The following INPP4B variants were observed in gnomAD, a reference collection of about 807,000 sequenced individuals.
The protein encoded by INPP4B is inositol polyphosphate-4-phosphatase type II B.
INPP4B carries 55 observed loss-of-function variants against 122.5 expected under a neutral mutation model. The ratio of observed to expected loss-of-function variants is 0.45; its 90% CI spans 0.36 to 0.56. INPP4B has a LOEUF of 0.56. Among genes scored for constraint, INPP4B ranks in the 20% least tolerant of loss-of-function variants. The probability of loss-of-function intolerance (pLI) is 0.00; values close to 1 mark genes in which losing one functional copy is unlikely to be tolerated. For missense variants in INPP4B, 1,000 were observed against 1,097.7 expected (o/e 0.91, Z 1.26); for synonymous variants, 403 against 388.7 (o/e 1.04, Z -0.43).
At chr4:142,483,168 G>A (rs1397773158) in intron 2 of INPP4B, among the ~76,000 whole-genome samples, 1 of 137,648 alleles carries the variant, frequency 7.3e-6, no homozygotes, top group Non-Finnish European at 1.5e-5. Flanking sequence ...AATAATGACT[G>A]GAGTCAGGCT....
At chr4:142,332,665 A>G (rs1774981532) in intron 7 of INPP4B, among the ~76,000 whole-genome samples, 1 of 152,086 alleles carries the variant, frequency 6.6e-6, no homozygotes, top group South Asian at 2.1e-4. Context: ...TCTCACAATT[A>G]GATCATAACA....
At chr4:142,516,389 G>A (rs1825410355) in intron 2 of INPP4B, among the ~76,000 whole-genome samples, 1 of 152,184 alleles carries the variant, frequency 6.6e-6, no homozygotes, top group Non-Finnish European at 1.5e-5. Flanking sequence ...TATGGGCCAG[G>A]CATTAGTTCA....
At chr4:142,213,010 T>C (rs1579307321) in intron 12 of INPP4B, among the ~76,000 whole-genome samples, 1 of 152,218 alleles carries the variant, frequency 6.6e-6, no homozygotes, top group South Asian at 2.1e-4. Context: ...CCTATGGCTG[T>C]TGTGTGCTGA....
At chr4:142,514,231 T>C (rs1244093926) in intron 2 of INPP4B, 1 of 152,192 alleles carries the variant, frequency 6.6e-6, no homozygotes, top group Non-Finnish European at 1.5e-5. Flanking sequence ...AACCTTCAAA[T>C]GCCTCTTCCC....
chr4:142,423,850 T>G (rs1317382226), intron 5 of INPP4B: 1 of 435,924 alleles, frequency 2.3e-6, no homozygotes, highest in Non-Finnish European at 4.5e-6. Context: ...GTATTTTTTA[T>G]GTACTTACCA....
intron 1 of INPP4B, among the ~76,000 whole-genome samples, chr4:142,733,689 TG>T (rs901714004): frequency 6.6e-6 from 1 of 152,174 alleles, no homozygotes; most frequent in Admixed American, 6.6e-5. Flanking sequence ...TAGAAATTCA[TG>T]TAATTATTTT....
At chr4:142,181,494 T>C (rs1163455305) in intron 15 of INPP4B, among the ~76,000 whole-genome samples, 2 of 152,212 alleles carry the variant, frequency 1.3e-5, no homozygotes, top group Admixed American at 6.5e-5. Context: ...TATGTCTAGA[T>C]TGATGTCTTC....
intron 1 of INPP4B, among the ~76,000 whole-genome samples, chr4:142,845,875 C>T (rs552764999): frequency 1.6e-4 from 24 of 152,198 alleles, no homozygotes; most frequent in Admixed American, 4.6e-4. Context: ...GCTCAGAGTT[C>T]CACGGGGGCC....
chr4:142,266,664 G>A (rs1742986104), intron 10 of INPP4B, among the ~76,000 whole-genome samples: 1 of 152,082 alleles, frequency 6.6e-6, no homozygotes. Flanking sequence ...AGACAAAGAT[G>A]TCCATTCTCA....
chr4:142,227,253 G>T (rs1851953597), intron 12 of INPP4B, among the ~76,000 whole-genome samples: 1 of 152,064 alleles, frequency 6.6e-6, no homozygotes, highest in Non-Finnish European at 1.5e-5. Flanking sequence ...GCATAGCAAG[G>T]GAGGTCATCT....
intron 21 of INPP4B, among the ~76,000 whole-genome samples, chr4:142,119,126 C>G (rs796839274): frequency 1.3e-5 from 2 of 152,222 alleles, no homozygotes; most frequent in African/African-American, 4.8e-5. Flanking sequence ...GAATGGCGAT[C>G]ATTAAAATGT....
chr4:142,292,083 T>C (rs992844042), intron 9 of INPP4B, among the ~76,000 whole-genome samples: 1 of 152,182 alleles, frequency 6.6e-6, no homozygotes, highest in Non-Finnish European at 1.5e-5. Context: ...CAAGGACTAG[T>C]GGGAGTACCG....
At chr4:142,686,437 T>C (rs564000336) in intron 2 of INPP4B, among the ~76,000 whole-genome samples, 1 of 152,188 alleles carries the variant, frequency 6.6e-6, no homozygotes, top group East Asian at 1.9e-4. Flanking sequence ...TGTGCTGCCC[T>C]GACAATCAGT....
chr4:142,086,967 G>A (rs1413561831), intron 23 of INPP4B, among the ~76,000 whole-genome samples: 1 of 152,040 alleles, frequency 6.6e-6, no homozygotes, highest in African/African-American at 2.4e-5. Flanking sequence ...ACAACTCAGG[G>A]TTGGGAGAAA....
chr4:142,252,379 G>A (rs1028353819), intron 11 of INPP4B, among the ~76,000 whole-genome samples: 73 of 151,624 alleles, frequency 4.8e-4, no homozygotes, highest in African/African-American at 1.7e-3. Context: ...TAGTAGAGAC[G>A]GGGTTTCGCC....
At chr4:142,071,331 T>C (rs1767165164) in intron 25 of INPP4B, among the ~76,000 whole-genome samples, 2 of 152,026 alleles carry the variant, frequency 1.3e-5, no homozygotes, top group African/African-American at 4.8e-5. Flanking sequence ...ATACAAAAAT[T>C]AATTCAAGAT....
At chr4:142,114,525 A>T (rs1290434210) in intron 21 of INPP4B, among the ~76,000 whole-genome samples, 1 of 152,058 alleles carries the variant, frequency 6.6e-6, no homozygotes, top group Non-Finnish European at 1.5e-5. Flanking sequence ...ATTATGTTGA[A>T]TATGTTTTCT....
intron 5 of INPP4B, among the ~76,000 whole-genome samples, chr4:142,415,446 C>T (rs1805497515): frequency 6.6e-6 from 1 of 151,482 alleles, no homozygotes; most frequent in East Asian, 1.9e-4. Context: ...AAATCAAAAC[C>T]ACAATGATAC....
chr4:142,404,791 A>T (rs1032717536), intron 6 of INPP4B, among the ~76,000 whole-genome samples: 2 of 152,136 alleles, frequency 1.3e-5, no homozygotes, highest in Non-Finnish European at 2.9e-5. Flanking sequence ...TTCTCTGGGT[A>T]CTGTACAACT....
Sources: gnomAD v4.1 joint callset for allele counts (sites outside exome capture counted in the v4.1 genomes callset) on GRCh38, gnomAD v4.1.1 for gene constraint, MANE v1.5 for transcripts, NCBI Gene and HGNC (gene_info 2026-07-23, HGNC 2026-07-21) for gene names.